MOGAT1: variants seen among roughly 807,000 people sequenced by gnomAD.
The protein encoded by MOGAT1 is monoacylglycerol O-acyltransferase 1, also known as 2-acylglycerol O-acyltransferase 1.
In MOGAT1, 32 loss-of-function variants were observed where a neutral mutation model predicts 31.4. The ratio of observed to expected loss-of-function variants is 1.02; its 90% CI spans 0.77 to 1.37. MOGAT1 has a LOEUF of 1.37. Among genes scored for constraint, MOGAT1 ranks in the 40% most tolerant of loss-of-function variants. MOGAT1 has a pLI of 0.00. For missense variants in MOGAT1, 426 were observed against 402.0 expected (o/e 1.06, Z -0.51); for synonymous variants, 145 against 144.5 (o/e 1.00, Z -0.03).
chr2:222,673,439 C>T (rs1020031355), intron 1 of MOGAT1, among the ~76,000 whole-genome samples: 4 of 151,716 alleles, frequency 2.6e-5, no homozygotes, highest in African/African-American at 9.7e-5. Context: ...TAACAACACA[C>T]GACCTTATCT....
intron 1 of MOGAT1, among the ~76,000 whole-genome samples, chr2:222,673,372 A>C (rs1022694421): frequency 4.0e-5 from 6 of 149,892 alleles, no homozygotes; most frequent in African/African-American, 1.0e-4. Flanking sequence ...TAACTCATTA[A>C]GTCCTCACAG....
chr2:222,682,974 C>CA (rs1451440608), intron 1 of MOGAT1, among the ~76,000 whole-genome samples: 5 of 152,058 alleles, frequency 3.3e-5, no homozygotes, highest in African/African-American at 1.2e-4. Context: ...AAGACCGAGG[C>CA]AGGTGGATCG....
chr2:222,700,376 T>C (rs944628301), intron 5 of MOGAT1, among the ~76,000 whole-genome samples: 6 of 152,224 alleles, frequency 3.9e-5, no homozygotes, highest in African/African-American at 1.2e-4. Flanking sequence ...AAACTGCAAC[T>C]GTATTAACTT....
intron 2 of MOGAT1, 140 bp from the exon 3 acceptor site, chr2:222,689,125 G>T: frequency 1.4e-6 from 1 of 723,902 alleles, no homozygotes; most frequent in East Asian, 2.7e-5. Flanking sequence ...TAGAAATTTG[G>T]AAACAGCTCC....
At chr2:222,673,961 A>T (rs970356774) in intron 1 of MOGAT1, among the ~76,000 whole-genome samples, 7 of 152,260 alleles carry the variant, frequency 4.6e-5, no homozygotes, top group South Asian at 2.1e-4. Context: ...TATCACCCAG[A>T]ATAGGAATTA....
intron 1 of MOGAT1, among the ~76,000 whole-genome samples, chr2:222,685,356 A>G (rs769383021): frequency 1.2e-3 from 188 of 152,318 alleles, no homozygotes; most frequent in Non-Finnish European, 1.6e-3. Context: ...ATTTGGAAAC[A>G]GGAGCTGTCA....
intron 5 of MOGAT1, among the ~76,000 whole-genome samples, chr2:222,700,400 C>T (rs1242130736): frequency 6.6e-6 from 1 of 152,224 alleles, no homozygotes; most frequent in Non-Finnish European, 1.5e-5. Context: ...TTCACTCATA[C>T]TTGTCCAATG....
intron 1 of MOGAT1, among the ~76,000 whole-genome samples, chr2:222,682,946 G>C (rs1240280004): frequency 6.6e-6 from 1 of 152,156 alleles, no homozygotes; most frequent in African/African-American, 2.4e-5. Flanking sequence ...GCTCACACCT[G>C]TCATCCCAGC....
intron 1 of MOGAT1, among the ~76,000 whole-genome samples, chr2:222,672,246 T>C (rs1692428435): frequency 6.6e-6 from 1 of 152,182 alleles, no homozygotes. Flanking sequence ...GGCAAACTCG[T>C]TTCTCGAACT....
chr2:222,677,692 C>T, intron 1 of MOGAT1: 2 of 421,630 alleles, frequency 4.7e-6, no homozygotes, highest in South Asian at 2.0e-5. Context: ...GACACAGTAG[C>T]AGCCTTTCTT....
chr2:222,702,683 CAT>C (rs1170492619), intron 5 of MOGAT1, among the ~76,000 whole-genome samples: 2 of 151,620 alleles, frequency 1.3e-5, no homozygotes, highest in Admixed American at 6.6e-5. Flanking sequence ...TTTGAAACCA[CAT>C]GAGGACAAAA....
chr2:222,702,823 CA>C (rs202181910), intron 5 of MOGAT1, among the ~76,000 whole-genome samples: 48 of 133,044 alleles, frequency 3.6e-4, no homozygotes, highest in Non-Finnish European at 2.9e-4. Flanking sequence ...GACTTTGTCT[CA>C]AAAAAAAAAA....
At chr2:222,681,832 T>C (rs1429699769) in intron 1 of MOGAT1, among the ~76,000 whole-genome samples, 1 of 152,008 alleles carries the variant, frequency 6.6e-6, no homozygotes, top group Non-Finnish European at 1.5e-5. Context: ...GAACAAAAGA[T>C]GGAAAGATGT....
At chr2:222,686,021 GATCTGTTCCTGGCTCACTCTATGAT>G (rs1308836807) in intron 1 of MOGAT1, among the ~76,000 whole-genome samples, 6 of 152,134 alleles carry the variant, frequency 3.9e-5, no homozygotes, top group Non-Finnish European at 5.9e-5. Context: ...ATTATTTTTG[GATCTGTTCCTGGCTCACTCTATGAT>G]TAAAATTAGG....
In MOGAT1 at chr2:222,709,891, C is replaced by T. The variant is rs1386940845; in HGVS notation, c.*1C>T. On this transcript the variant is annotated 3_prime_UTR_variant, in exon 6 of 6. Coordinates refer to ENST00000446656, the MANE Select transcript of MOGAT1 (RefSeq NM_058165.3). ...GCACGAGACTCTTGTTTTAAAATGA[C>T]TTGACTATAAAAAAAAATTAAAAAA... 2 of 1,580,340 alleles carry T rather than the reference C, an allele frequency of 1.3e-6. No individual in the cohort carries two copies. Among genetic ancestry groups the T allele is most frequent in the Non-Finnish European group, 1.7e-6 (2 of 1,166,802 alleles).
Position 222,686,517 on chromosome 2 carries a change from C to A in MOGAT1, c.95-1827C>A, listed in dbSNP as rs1244998953. Among the ~76,000 whole-genome samples, 6 of 152,076 alleles carry A rather than the reference C, an allele frequency of 3.9e-5. No homozygotes were observed. In the East Asian group the frequency reaches 1.2e-3, roughly 29 times the overall value. On this transcript the variant is annotated intron_variant, in intron 1 of 5. Coordinates refer to ENST00000446656, the MANE Select transcript of MOGAT1 (RefSeq NM_058165.3). ...CTTACCAAAATAAACAGAAAACTAA[C>A]CAATAGTGGCAAATCATCAGTACTC...
chr2:222,692,201 G>C (rs1692772970), intron 3 of MOGAT1, among the ~76,000 whole-genome samples: 1 of 152,194 alleles, frequency 6.6e-6, no homozygotes, highest in Admixed American at 6.5e-5. Context: ...AGTGATGAAG[G>C]GAGAGGTGAT....
rs1186943391 is a variant in MOGAT1, at chr2:222,671,756, T to A, written c.-30T>A. ...AGAGCAGCGTGGGTGCAGGCTGCAG[T>A]GGCTGGCGCCGTCCTCGCCCGGCCA... On this transcript the variant is annotated 5_prime_UTR_variant, in exon 1 of 6. Transcript: ENST00000446656. 3 of 1,539,732 alleles carry A rather than the reference T, an allele frequency of 1.9e-6. No homozygotes were observed. The highest frequency in any genetic ancestry group is 1.8e-6 in the Non-Finnish European group (2 of 1,138,406).
At chr2:222,707,269 GAGAA>G (rs1244636413) in intron 5 of MOGAT1, among the ~76,000 whole-genome samples, 4 of 148,526 alleles carry the variant, frequency 2.7e-5, no homozygotes, top group Non-Finnish European at 6.0e-5. Flanking sequence ...GAAAGAGAGA[GAGAA>G]AGAAGGAGGG....
Sources: allele counts gnomAD v4.1 joint callset (sites outside exome capture counted in the v4.1 genomes callset), GRCh38; gene constraint gnomAD v4.1.1; transcripts MANE v1.5; gene names NCBI Gene and HGNC (gene_info 2026-07-23, HGNC 2026-07-21).